The following RANBP1 variants were observed in gnomAD, a reference collection of about 807,000 sequenced individuals.
The protein encoded by RANBP1 is ran-specific GTPase-activating protein.
RANBP1 carries 16 observed loss-of-function variants against 31.4 expected under a neutral mutation model. The ratio of observed to expected loss-of-function variants is 0.51; its 90% CI spans 0.34 to 0.77. The LOEUF is 0.77. Ranked by LOEUF, RANBP1 falls within the 30% of genes least tolerant of loss-of-function variation. The pLI is 0.01. For missense variants in RANBP1, 265 were observed against 362.0 expected, an observed-to-expected ratio of 0.73 and a Z score of 2.17; for synonymous variants, 129 against 140.5, an observed-to-expected ratio of 0.92 and a Z score of 0.58.
intron 1 of RANBP1, 37 bp from the exon 2 acceptor site, chr22:20,118,976 C>G: frequency 6.3e-7 from 1 of 1,599,346 alleles, no homozygotes; most frequent in Non-Finnish European, 8.5e-7. Flanking sequence ...GAGCCAGATC[C>G]ATAGGCCAGC....
At chr22:20,126,642 G>T (rs939004967) in intron 5 of RANBP1, 2 of 1,516,664 alleles carry the variant, frequency 1.3e-6, no homozygotes, top group African/African-American at 2.8e-5. Context: ...GATGGTCCTC[G>T]GTTTGTCTCT....
Position 20,125,980 on chromosome 22 carries a change from C to T in RANBP1, c.671-323C>T, listed in dbSNP as rs577964492. ...TGTGGCCTGGCGCCTGGTAGCTGGC[C>T]GTTTGGTGCCAAGTGACCTTGTCCT... On this transcript the variant is annotated intron_variant, in intron 4 of 5. Transcript: ENST00000430524. Among the ~76,000 whole-genome samples the T allele has an allele frequency of 7.2e-5, 11 of 152,376 alleles. No individual in the cohort carries two copies. In the East Asian group the frequency reaches 1.4e-3, roughly 19 times the overall value.
rs150814421 is a variant in RANBP1 at position 20,126,989 on chromosome 22, G to A, written c.774G>A (p.Ala258=). The A allele has an allele frequency of 3.3e-3, 5,248 of 1,613,622 alleles. 25 individuals are homozygous for A. Among genetic ancestry groups the A allele is most frequent in the Non-Finnish European group, 3.3e-3 (3,951 of 1,179,786 alleles). The part of the protein sequence containing the change: ...SGKNDHAEKV[A]EKLEALSVKE... ...AAAATGATCATGCCGAAAAAGTGGCGGAAAAGCTAGAAGCTCTCTCGGTGA... is the reference window on the plus strand; with the variant it reads ...AAAATGATCATGCCGAAAAAGTGGCAGAAAAGCTAGAAGCTCTCTCGGTGA... Residue 258 remains alanine, a synonymous_variant, in exon 6 of 6, where the codon GCG becomes GCA. Transcript: ENST00000430524.
chr22:20,118,878 T>C, intron 1 of RANBP1, 135 bp from the exon 2 acceptor site: 1 of 833,434 alleles, frequency 1.2e-6, no homozygotes, highest in Non-Finnish European at 1.9e-6. Flanking sequence ...CCTAATTTCT[T>C]GCTTTGGGGT....
intron 5 of RANBP1, 121 bp downstream of exon 5, chr22:20,126,489 A>T: frequency 6.3e-7 from 1 of 1,597,172 alleles, no homozygotes; most frequent in Middle Eastern, 1.7e-4. Flanking sequence ...TGGCCGCCTC[A>T]CGTATCCAGA....
rs775379846 is a variant in RANBP1, at chr22:20,122,375, C to G, written c.495C>G (p.Leu165=). 6.2e-7 allele frequency: 1 copy of G among 1,613,078 alleles called. No individual in the cohort carries two copies. Among genetic ancestry groups the G allele is most frequent in the Non-Finnish European group, 8.5e-7 (1 of 1,179,984 alleles). ...ACAAGGAGAAAGGGGCCATCCGCCTCCTCATGCGGAGGGACAAGACCCTGA... is the reference window on the plus strand; with the variant it reads ...ACAAGGAGAAAGGGGCCATCCGCCTGCTCATGCGGAGGGACAAGACCCTGA... ...LKHKEKGAIR[L]LMRRDKTLKI... The change falls in exon 3 of 6, where the codon CTC becomes CTG. Residue 165 remains leucine, a synonymous_variant. Coordinates refer to ENST00000430524, the MANE Select transcript of RANBP1 (RefSeq NM_001278639.2).
At chr22:20,122,723 CTG>C (rs544097533) in intron 3 of RANBP1, 25,393 of 918,794 alleles carry the variant, frequency 0.028, 5 homozygotes, top group East Asian at 0.034. Flanking sequence ...CGAGGGGGTG[CTG>C]TGTGTGTGTG....
intron 1 of RANBP1, 138 bp downstream of exon 1, chr22:20,116,568 G>C (rs757744530): frequency 6.3e-7 from 1 of 1,577,496 alleles, no homozygotes. Context: ...GGCAGCTCAG[G>C]GCACTGCTGC....
In RANBP1 at chr22:20,126,605, C is replaced by A. The variant is rs545214168; in HGVS notation, c.736+237C>A. ...GGCAGGCATTGGAGTCCGGGCACTG[C>A]CTGGAGCTCACCAGAAGGTGCTTTA... On this transcript the variant is annotated intron_variant, in intron 5 of 5. Transcript: ENST00000430524. 1.4e-5 allele frequency: 22 copies of A among 1,531,186 alleles called. No homozygotes were observed. In the African/African-American group the frequency reaches 2.9e-4, roughly 20 times the overall value. The allele number at this position is 1,531,186 out of a possible 1,614,324, so 94.8% of individuals were successfully genotyped here. A position where few individuals can be genotyped will look rare whatever the true frequency, so the allele number is the denominator to read the frequency against.
At chr22:20,126,415 G>T in intron 5 of RANBP1, 47 bp downstream of exon 5, 2 of 1,613,434 alleles carry the variant, frequency 1.2e-6, no homozygotes, top group Non-Finnish European at 1.7e-6. Context: ...GACTCACTCT[G>T]CATCTGACTA....
chr22:20,118,064 T>G (rs373732795), intron 1 of RANBP1: 4 of 996,500 alleles, frequency 4.0e-6, no homozygotes, highest in Non-Finnish European at 4.8e-6. Flanking sequence ...CTTCATTCAT[T>G]CGGTTCTTAC....
intron 1 of RANBP1, chr22:20,118,152 G>A (rs2050088642): frequency 1.0e-6 from 1 of 1,001,322 alleles, no homozygotes; most frequent in African/African-American, 1.7e-5. Flanking sequence ...CGCCGACCCA[G>A]GCGGCGGCTT....
At chr22:20,120,754 C>T (rs1181870061) in intron 2 of RANBP1, among the ~76,000 whole-genome samples, 1 of 152,204 alleles carries the variant, frequency 6.6e-6, no homozygotes, top group Admixed American at 6.5e-5. Flanking sequence ...TCAGATGACC[C>T]GCCCGCCTCA....
intron 2 of RANBP1, 150 bp from the exon 3 acceptor site, chr22:20,122,114 T>C: frequency 1.3e-6 from 1 of 750,852 alleles, no homozygotes; most frequent in African/African-American, 1.8e-5. Flanking sequence ...CTGGTGGTGT[T>C]GTGACGGGCA....
At chr22:20,122,208 A>G in intron 2 of RANBP1, 56 bp from the exon 3 acceptor site, 2 of 1,581,230 alleles carry the variant, frequency 1.3e-6, no homozygotes, top group Non-Finnish European at 1.7e-6. Flanking sequence ...CCTCCTGCGC[A>G]GGCCCTGCAT....
At chr22:20,121,004 AGTGCAGTGGC>A (rs2050158567) in intron 2 of RANBP1, among the ~76,000 whole-genome samples, 1 of 151,830 alleles carries the variant, frequency 6.6e-6, no homozygotes, top group African/African-American at 2.4e-5. Flanking sequence ...CCCAGGCTGG[AGTGCAGTGGC>A]GCGATCTTGG....
intron 3 of RANBP1, chr22:20,122,723 C>CTA: frequency 1.6e-5 from 15 of 928,858 alleles, no homozygotes; most frequent in Non-Finnish European, 1.9e-5. Context: ...CGAGGGGGTG[C>CTA]TGTGTGTGTG....
intron 3 of RANBP1, 172 bp from the exon 4 acceptor site, chr22:20,125,136 A>G: frequency 1.5e-6 from 1 of 682,866 alleles, no homozygotes. Flanking sequence ...GGTTTGAATA[A>G]AACTCAGGCG....
At position 20,116,165 on chromosome 22, in the gene RANBP1, C is replaced by G. The variant is rs538521655; in HGVS notation, c.-20C>G. The G allele has an allele frequency of 6.2e-7, 1 of 1,613,142 alleles. No homozygotes were observed. The highest frequency in any genetic ancestry group is 1.1e-5 in the South Asian group (1 of 91,074). ...GTTACTGGTGGCTCACTCTCACCCT[C>G]CTGTCGCCTCCTCCTGGCCATGGGG... On this transcript the variant is annotated 5_prime_UTR_variant, in exon 1 of 6. Transcript: ENST00000430524.
Sources: allele counts gnomAD v4.1 joint callset (sites outside exome capture counted in the v4.1 genomes callset), GRCh38; gene constraint gnomAD v4.1.1; transcripts MANE v1.5; gene names NCBI Gene and HGNC (gene_info 2026-07-23, HGNC 2026-07-21).